DNAJC14: variants seen among roughly 807,000 people sequenced by gnomAD.
DNAJC14 encodes dnaJ homolog subfamily C member 14.
DNAJC14 carries 12 observed loss-of-function variants against 68.8 expected under a neutral mutation model. That is an observed-to-expected ratio of 0.17 (90% confidence interval 0.11 to 0.28). The LOEUF (loss-of-function observed/expected upper bound fraction) is 0.28. Among genes scored for constraint, DNAJC14 ranks in the 10% least tolerant of loss-of-function variants. The pLI is 1.00. For synonymous variants in DNAJC14, 350 were observed against 321.5 expected (o/e 1.09, Z -0.95); for missense variants, 764 against 875.6 (o/e 0.87, Z 1.61).
rs1880701450 is a variant in DNAJC14 at position 55,822,752 on chromosome 12, A to G, written c.1635-20T>C. On this transcript the variant is annotated intron_variant, in intron 4 of 6. Transcript: ENST00000678005. ...AACCTCCTGCAACCAACAAAAGGAT[A>G]GTTCCTTAATAATTTGTCAAGCCTA... The G allele has an allele frequency of 6.2e-7, 1 of 1,612,778 alleles. No homozygotes were observed. Among genetic ancestry groups the G allele is most frequent in the Admixed American group, 1.7e-5 (1 of 59,954 alleles).
At position 55,822,144 on chromosome 12, in the gene DNAJC14, T is replaced by A. The variant is rs1232027744; in HGVS notation, c.1942A>T (p.Ser648Cys). Residue 648 changes from serine to cysteine, a missense_variant, in exon 7 of 7, where the codon AGT becomes TGT. By Grantham distance (112) the Ser-to-Cys change is moderately radical (BLOSUM62 -1). This residue lies in a region of DNAJC14 where 134 missense variants were observed against 162.3 expected (regional missense o/e 0.83). Coordinates refer to ENST00000678005, the MANE Select transcript of DNAJC14 (RefSeq NM_032364.6). ...APPADLQDFL[S>C]RIFQVPPGQM... ...CCTGGGGGTACTTGAAAGATCCGAC[T>A]CAAGAAATCCTGAAGATCAGCAGGA... 6.2e-7 allele frequency: 1 copy of A among 1,605,248 alleles called. No individual in the cohort carries two copies. Among genetic ancestry groups the A allele is most frequent in the Non-Finnish European group, 8.5e-7 (1 of 1,176,210 alleles).
rs752259727 is a variant in DNAJC14, at chr12:55,823,167, G to A, written c.1537C>T (p.Leu513=). 10 of 1,614,142 alleles carry A rather than the reference G, an allele frequency of 6.2e-6. No homozygotes were observed. In the East Asian group the frequency reaches 2.0e-4, roughly 32 times the overall value. Residue 513 remains leucine, a synonymous_variant, in exon 4 of 7, where the codon CTG becomes TTG. Transcript: ENST00000678005. The part of the protein sequence containing the change: ...YEMKRMAENE[L]SRSVNEFLSK... ...AGAAACTCATTTACTGACCGGCTCA[G>A]CTCATTCTCTGCCATTCGTTTCCTA...
rs1022143340 is a variant in DNAJC14 at position 55,821,858 on chromosome 12, A to C, written c.*119T>G. On this transcript the variant is annotated 3_prime_UTR_variant, in exon 7 of 7. Coordinates refer to ENST00000678005, the MANE Select transcript of DNAJC14 (RefSeq NM_032364.6). ...GCAACAGAGCAAGACTCCATCTCAAAAAATAAAAAGAAAAAGATTCAGTTC... is the reference window on the plus strand; with the variant it reads ...GCAACAGAGCAAGACTCCATCTCAACAAATAAAAAGAAAAAGATTCAGTTC... 9.1e-6 allele frequency: 11 copies of C among 1,202,248 alleles called. No homozygotes were observed. Among genetic ancestry groups the C allele is most frequent in the Non-Finnish European group, 1.2e-5 (10 of 868,176 alleles). 74.5% of individuals were successfully genotyped at this position (1,202,248 alleles called of 1,614,324 possible). A position where few individuals can be genotyped will look rare whatever the true frequency, so the allele number is the denominator to read the frequency against.
intron 3 of DNAJC14, 25 bp from the exon 4 acceptor site, chr12:55,823,214 T>C: frequency 6.2e-7 from 1 of 1,613,952 alleles, no homozygotes; most frequent in Non-Finnish European, 8.5e-7. Context: ...GCTTTGTAAG[T>C]CAGAAGGTAT....
chr12:55,822,985 A>G (rs1880708849), intron 4 of DNAJC14, 85 bp downstream of exon 4: 1 of 1,569,404 alleles, frequency 6.4e-7, no homozygotes, highest in African/African-American at 1.4e-5. Flanking sequence ...GATGTAACTC[A>G]TAATTACCAG....
At position 55,827,725 on chromosome 12, in the gene DNAJC14, C is replaced by T. The variant is rs1172996632; in HGVS notation, c.934G>A (p.Gly312Arg). The change falls in exon 2 of 7, where the codon GGG becomes AGG. Residue 312 changes from glycine (G) to arginine (R), a missense_variant. By Grantham distance (125) the Gly-to-Arg change is moderately radical. Coordinates refer to ENST00000678005, the MANE Select transcript of DNAJC14 (RefSeq NM_032364.6). ...AQVMFQFLSQGFYCGVGLFTR... is the reference protein window; with the variant it reads ...AQVMFQFLSQRFYCGVGLFTR... Reference sequence around the variant, plus strand: ...AACAGTCCTACTCCACAGTAAAACCCCTGGCTTAGAAACTGAAACATGACC... The same window carrying T: ...AACAGTCCTACTCCACAGTAAAACCTCTGGCTTAGAAACTGAAACATGACC... The T allele has an allele frequency of 1.2e-6, 2 of 1,614,178 alleles. No individual in the cohort carries two copies. Among genetic ancestry groups the T allele is most frequent in the Admixed American group, 3.3e-5 (2 of 60,020 alleles).
rs1047421032 is a variant in DNAJC14 at position 55,822,630 on chromosome 12, C to T, written c.1737G>A (p.Met579Ile). 1.9e-6 allele frequency: 3 copies of T among 1,614,106 alleles called. No homozygotes were observed. The highest frequency in any genetic ancestry group is 2.5e-6 in the Non-Finnish European group (3 of 1,180,058). ...CAAAGTAGGTGATCTTGAGGCCCAA[C>T]ATGCTTGACTCTGCCCAAAAGTCTC... ...EEGDFWAESSMLGLKITYFAL... is the reference protein window; with the variant it reads ...EEGDFWAESSILGLKITYFAL... Residue 579 changes from methionine (M) to isoleucine (I), a missense_variant, in exon 5 of 7, where the codon ATG (methionine) becomes ATA (isoleucine). This residue lies in a region of DNAJC14 where 134 missense variants were observed against 162.3 expected (regional missense o/e 0.83). Coordinates refer to ENST00000678005, the MANE Select transcript of DNAJC14 (RefSeq NM_032364.6).
Position 55,828,661 on chromosome 12 carries a change from C to A in DNAJC14, c.-3G>T. ...TCTCCGGGGTGCTTCTGGGCCATGA[C>A]CCCGGGGCTTCCTGAGGGTCTTAGG... is the stretch of plus-strand genomic sequence containing the variant. On this transcript the variant is annotated 5_prime_UTR_variant, in exon 2 of 7. Coordinates refer to ENST00000678005, the MANE Select transcript of DNAJC14 (RefSeq NM_032364.6). 1 of 1,609,498 alleles carries A rather than the reference C, an allele frequency of 6.2e-7. No individual in the cohort carries two copies. Among genetic ancestry groups the A allele is most frequent in the Non-Finnish European group, 8.5e-7 (1 of 1,177,064 alleles).
upstream of DNAJC14, chr12:55,830,559 G>A (rs971006230): frequency 1.3e-5 from 2 of 152,170 alleles, no homozygotes; most frequent in Non-Finnish European, 2.9e-5. Flanking sequence ...CCAATTCTCT[G>A]GAAAGTGGAA....
At chr12:55,828,762 G>C in intron 1 of DNAJC14, 48 bp from the exon 2 acceptor site, 1 of 1,434,912 alleles carries the variant, frequency 7.0e-7, no homozygotes, top group Non-Finnish European at 9.2e-7. Context: ...GACCAAGAGA[G>C]GAATTAAACA....
chr12:55,827,375 C>T lies in DNAJC14; in HGVS notation c.1284G>A (p.Val428=). Residue 428 remains valine, a synonymous_variant, in exon 2 of 7, where the codon GTG becomes GTA. Coordinates refer to ENST00000678005, the MANE Select transcript of DNAJC14 (RefSeq NM_032364.6). ...CCCCAGCCATGGTCAAGAGTCGAGC[C>T]ACTTCCTCTTCAGGCTGGCAGTAGC... ...SGRYCQPEEE[V]ARLLTMAGVP... is the part of the protein sequence containing the mutation. 1 of 1,613,806 alleles carries T rather than the reference C, an allele frequency of 6.2e-7. No individual in the cohort carries two copies.
chr12:55,827,580 T>G lies in DNAJC14; in HGVS notation c.1079A>C (p.Asp360Ala). The G allele has an allele frequency of 6.2e-7, 1 of 1,606,618 alleles. No homozygotes were observed. The highest frequency in any genetic ancestry group is 8.5e-7 in the Non-Finnish European group (1 of 1,173,936). ...VGLGDRLGWR[D>A]KATWLFSWLD... Reference sequence around the variant, plus strand: ...CCAAGAGAAGAGCCAGGTAGCCTTATCCCTCCAGCCTAACCGGTCACCTAG... The same window carrying G: ...CCAAGAGAAGAGCCAGGTAGCCTTAGCCCTCCAGCCTAACCGGTCACCTAG... Residue 360 changes from aspartate to alanine, a missense_variant, in exon 2 of 7, where the codon GAT becomes GCT. This residue lies in a region of DNAJC14 where 514 missense variants were observed against 521.7 expected (regional missense o/e 0.99). Transcript: ENST00000678005.
At position 55,827,737 on chromosome 12, in the gene DNAJC14, A is replaced by G; in HGVS notation, c.922T>C (p.Phe308Leu). Residue 308 changes from phenylalanine to leucine, a missense_variant, in exon 2 of 7, where the codon TTT becomes CTT. Transcript: ENST00000678005. ...CCACAGTAAAACCCCTGGCTTAGAA[A>G]CTGAAACATGACCTGGGCCCAGCCC... ...LGGWAQVMFQ[F>L]LSQGFYCGVG... 6.2e-7 allele frequency: 1 copy of G among 1,614,078 alleles called. No homozygotes were observed. Among genetic ancestry groups the G allele is most frequent in the Non-Finnish European group, 8.5e-7 (1 of 1,179,970 alleles).
chr12:55,829,544 G>C lies in DNAJC14; in HGVS notation c.-112C>G. ...GCCGCCCGGCCTGGGGCCAGGGTGAGCTACGAGAGCCGCTCTCCCGGCTCC... is the reference window on the plus strand; with the variant it reads ...GCCGCCCGGCCTGGGGCCAGGGTGACCTACGAGAGCCGCTCTCCCGGCTCC... On this transcript the variant is annotated 5_prime_UTR_variant, in exon 1 of 7. Coordinates refer to ENST00000678005, the MANE Select transcript of DNAJC14 (RefSeq NM_032364.6). 4 of 985,054 alleles carry C rather than the reference G, an allele frequency of 4.1e-6. No homozygotes were observed. Among genetic ancestry groups the C allele is most frequent in the Non-Finnish European group, 4.8e-6 (4 of 829,926 alleles). 61.0% of individuals were successfully genotyped at this position (985,054 alleles called of 1,614,324 possible). A position where few individuals can be genotyped will look rare whatever the true frequency, so the allele number is the denominator to read the frequency against.
chr12:55,829,829 G>A (rs1466512), upstream of DNAJC14: 153,452 of 154,334 alleles, frequency 0.99, 76,294 homozygotes, highest in Middle Eastern at 1. Flanking sequence ...AAGCAAGGCA[G>A]GTGGACTCTG....
rs999642028 is a variant in DNAJC14 at position 55,829,539 on chromosome 12, G to GGTGA, written c.-111_-108dup. 2 of 984,948 alleles carry GGTGA rather than the reference G, an allele frequency of 2.0e-6. No homozygotes were observed. The highest frequency in any genetic ancestry group is 1.8e-5 in the African/African-American group (1 of 57,134). 61.0% of individuals were successfully genotyped at this position (984,948 alleles called of 1,614,324 possible). A position where few individuals can be genotyped will look rare whatever the true frequency, so the allele number is the denominator to read the frequency against. On this transcript the variant is annotated 5_prime_UTR_variant, in exon 1 of 7. Coordinates refer to ENST00000678005, the MANE Select transcript of DNAJC14 (RefSeq NM_032364.6). ...CTCGAGCCGCCCGGCCTGGGGCCAG[G>GGTGA]GTGAGCTACGAGAGCCGCTCTCCCG...
At position 55,829,558 on chromosome 12, in the gene DNAJC14, T is replaced by C; in HGVS notation, c.-126A>G. On this transcript the variant is annotated 5_prime_UTR_variant, in exon 1 of 7. Transcript: ENST00000678005. ...GGCCAGGGTGAGCTACGAGAGCCGC[T>C]CTCCCGGCTCCGCCTCCCGCTCACG... 1 of 983,770 alleles carries C rather than the reference T, an allele frequency of 1.0e-6. No homozygotes were observed. The highest frequency in any genetic ancestry group is 1.2e-6 in the Non-Finnish European group (1 of 829,764). The allele number at this position is 983,770 out of a possible 1,614,324, so 60.9% of individuals were successfully genotyped here.
Position 55,829,560 on chromosome 12 carries a change from T to TCCCGGC in DNAJC14, c.-134_-129dup. 10 of 984,840 alleles carry TCCCGGC rather than the reference T, an allele frequency of 1.0e-5. No individual in the cohort carries two copies. The highest frequency in any genetic ancestry group is 1.2e-5 in the Non-Finnish European group (10 of 829,844). 61.0% of individuals were successfully genotyped at this position (984,840 alleles called of 1,614,324 possible). ...CCAGGGTGAGCTACGAGAGCCGCTC[T>TCCCGGC]CCCGGCTCCGCCTCCCGCTCACGCT... On this transcript the variant is annotated 5_prime_UTR_variant, in exon 1 of 7. Transcript: ENST00000678005.
At position 55,828,304 on chromosome 12, in the gene DNAJC14, C is replaced by T. The variant is rs1373461564; in HGVS notation, c.355G>A (p.Gly119Arg). 1 of 1,611,374 alleles carries T rather than the reference C, an allele frequency of 6.2e-7. No individual in the cohort carries two copies. Among genetic ancestry groups the T allele is most frequent in the African/African-American group, 1.3e-5 (1 of 74,580 alleles). Residue 119 changes from glycine (G) to arginine (R), a missense_variant, in exon 2 of 7, where the codon GGG (glycine) becomes AGG (arginine). Physicochemically the swap from Gly to Arg is moderately radical, Grantham distance 125. Around this residue, in one of 4 missense-constraint regions of DNAJC14, gnomAD observed 514 missense variants for 521.7 expected, o/e 0.99. Transcript: ENST00000678005. Reference sequence around the variant, plus strand: ...GATGGAATGGAAAGAAAAGAGTTCCCATCCTTCTGGTTCCCAGTCTCGTTT... The same window carrying T: ...GATGGAATGGAAAGAAAAGAGTTCCTATCCTTCTGGTTCCCAGTCTCGTTT... ...KENETGNQKD[G>R]NSFLSIPSAC...
Sources: allele counts gnomAD v4.1 joint callset, GRCh38; gene constraint gnomAD v4.1.1; regional missense constraint gnomAD v4.1.1; transcripts MANE v1.5; gene names NCBI Gene and HGNC (gene_info 2026-07-23, HGNC 2026-07-21).